APBB2: variants seen among roughly 807,000 people sequenced by gnomAD.
The protein encoded by APBB2 is amyloid beta precursor protein binding family B member 2, also known as Fe65-like 1.
APBB2 carries 38 observed loss-of-function variants against 82.5 expected under a neutral mutation model. The observed-to-expected ratio is 0.46, with a 90% confidence interval of 0.36 to 0.60. The LOEUF (loss-of-function observed/expected upper bound fraction) is 0.60, where lower values mean the gene tolerates loss of function less well. Ranked by LOEUF, APBB2 falls within the 20% of genes least tolerant of loss-of-function variation. The pLI, the probability that APBB2 is intolerant of heterozygous loss-of-function variation, is 0.00. For synonymous variants in APBB2, 341 were observed against 368.2 expected (o/e 0.93, Z 0.85); for missense variants, 772 against 972.3 (o/e 0.79, Z 2.74).
intron 6 of APBB2, among the ~76,000 whole-genome samples, chr4:40,959,953 T>C (rs1457002236): frequency 6.6e-6 from 1 of 152,180 alleles, no homozygotes; most frequent in African/African-American, 2.4e-5. Flanking sequence ...TTGATCGAGG[T>C]TAGGAAAATG....
intron 6 of APBB2, among the ~76,000 whole-genome samples, chr4:40,982,368 AAGGAAGGAAGGAAGGAAGG>A (rs1356937473): frequency 0.02 from 323 of 16,062 alleles, 62 homozygotes; most frequent in Admixed American, 0.049. Context: ...GGAAGGAAGG[AAGGAAGGAAGGAAGGAAGG>A]AAGGAAAGGA....
At chr4:41,180,313 G>C (rs1217530974) in intron 1 of APBB2, among the ~76,000 whole-genome samples, 1 of 152,164 alleles carries the variant, frequency 6.6e-6, no homozygotes, top group Admixed American at 6.5e-5. Flanking sequence ...GGGTCCTTAA[G>C]AGTAAACTTG....
At chr4:41,026,787 C>A (rs908554580) in intron 5 of APBB2, among the ~76,000 whole-genome samples, 1 of 152,166 alleles carries the variant, frequency 6.6e-6, no homozygotes, top group African/African-American at 2.4e-5. Flanking sequence ...CACTCATATA[C>A]AAGTTTTTCT....
rs7675855 is a variant in APBB2 at position 40,816,695 on chromosome 4, G to A, written c.2113-436C>T. On this transcript the variant is annotated intron_variant, in intron 17 of 17. Coordinates refer to ENST00000508593, the MANE Select transcript of APBB2 (RefSeq NM_004307.2). ...GGTCTATCACTTGTGAACCCCAGAC[G>A]AATTATTAAATCTCTCTGAGCCTCA... Among the ~76,000 whole-genome samples the A allele has an allele frequency of 5.1e-3, 783 of 152,304 alleles. 8 individuals carry two copies. The highest frequency in any genetic ancestry group is 0.018 in the African/African-American group (737 of 41,554).
At chr4:40,914,735 G>T (rs1160874780) in intron 10 of APBB2, among the ~76,000 whole-genome samples, 1 of 152,158 alleles carries the variant, frequency 6.6e-6, no homozygotes, top group East Asian at 1.9e-4. Flanking sequence ...CAGTGTTGCT[G>T]GTGACTTTAT....
At chr4:40,838,632 C>A (rs1754826389) in intron 12 of APBB2, among the ~76,000 whole-genome samples, 1 of 151,660 alleles carries the variant, frequency 6.6e-6, no homozygotes, top group Non-Finnish European at 1.5e-5. Flanking sequence ...ACGCGCCTTG[C>A]CAATTTTTGT....
chr4:41,061,522 G>A (rs1256188470), intron 4 of APBB2, among the ~76,000 whole-genome samples: 1 of 152,188 alleles, frequency 6.6e-6, no homozygotes, highest in Non-Finnish European at 1.5e-5. Context: ...AAGTATTTGG[G>A]CACCTAAACA....
intron 12 of APBB2, among the ~76,000 whole-genome samples, chr4:40,889,970 C>G (rs573766495): frequency 6.6e-6 from 1 of 152,242 alleles, no homozygotes; most frequent in Admixed American, 6.5e-5. Context: ...ATGAAGAGAA[C>G]AGCAGCAGGA....
chr4:41,141,985 C>T (rs1759356935), intron 2 of APBB2, among the ~76,000 whole-genome samples: 1 of 152,192 alleles, frequency 6.6e-6, no homozygotes, highest in African/African-American at 2.4e-5. Context: ...GCTTATGTTA[C>T]ATGCCCATAA....
chr4:41,212,034 C>T (rs189406596), intron 1 of APBB2, among the ~76,000 whole-genome samples: 1 of 152,214 alleles, frequency 6.6e-6, no homozygotes, highest in Non-Finnish European at 1.5e-5. Flanking sequence ...ATTTAGATAT[C>T]CAGTACTCAG....
intron 1 of APBB2, among the ~76,000 whole-genome samples, chr4:41,188,804 C>T (rs1773644997): frequency 6.6e-6 from 1 of 152,054 alleles, no homozygotes; most frequent in Non-Finnish European, 1.5e-5. Flanking sequence ...GTCTGGGCTA[C>T]TAGGGAGGCT....
chr4:40,912,118 G>A (rs1355051354), intron 10 of APBB2, among the ~76,000 whole-genome samples: 3 of 152,192 alleles, frequency 2.0e-5, no homozygotes, highest in Admixed American at 6.5e-5. Context: ...TATTTAATAG[G>A]AAATAGAGAT....
chr4:40,939,110 G>A (rs950638720), intron 7 of APBB2, among the ~76,000 whole-genome samples: 8 of 152,140 alleles, frequency 5.3e-5, no homozygotes, highest in African/African-American at 1.9e-4. Flanking sequence ...GCAGTCTCTC[G>A]GCCTTGGACT....
chr4:41,098,521 C>T (rs1269678824), intron 3 of APBB2, among the ~76,000 whole-genome samples: 1 of 152,150 alleles, frequency 6.6e-6, no homozygotes, highest in Non-Finnish European at 1.5e-5. Context: ...CTTTTTGTCA[C>T]AGTCCCTGTA....
chr4:40,944,092 G>C (rs987298108), intron 7 of APBB2, among the ~76,000 whole-genome samples: 4 of 152,222 alleles, frequency 2.6e-5, no homozygotes, highest in African/African-American at 9.6e-5. Flanking sequence ...CTTGTTCAAA[G>C]AACCAAGGAC....
intron 10 of APBB2, among the ~76,000 whole-genome samples, chr4:40,913,957 T>C (rs564556470): frequency 2.0e-5 from 3 of 152,196 alleles, no homozygotes; most frequent in Admixed American, 6.5e-5. Context: ...ATAAGGGGGC[T>C]GGGTGTGGTG....
intron 11 of APBB2, among the ~76,000 whole-genome samples, chr4:40,892,098 G>A (rs1237107490): frequency 2.0e-5 from 3 of 151,854 alleles, no homozygotes; most frequent in Admixed American, 6.6e-5. Context: ...CTACAGGTGC[G>A]TGCCATCATA....
At position 40,821,848 on chromosome 4, in the gene APBB2, C is replaced by T. The variant is rs201006057; in HGVS notation, c.2112+23G>A. 2,297 of 1,608,002 alleles carry T rather than the reference C, an allele frequency of 1.4e-3. 31 individuals are homozygous for T. Among genetic ancestry groups the T allele is most frequent in the Non-Finnish European group, 5.0e-4 (587 of 1,177,354 alleles). On this transcript the variant is annotated intron_variant, in intron 17 of 17. Coordinates refer to ENST00000508593, the MANE Select transcript of APBB2 (RefSeq NM_004307.2). ...GATGAGCAGAGGCGGGAGGGCTCAA[C>T]AGCCTGTACCGGGATAACTCACCAT...
At chr4:41,074,896 C>T (rs1216696485) in intron 3 of APBB2, among the ~76,000 whole-genome samples, 1 of 152,118 alleles carries the variant, frequency 6.6e-6, no homozygotes, top group African/African-American at 2.4e-5. Context: ...TGCCTGTAAT[C>T]CCAGCACTTT....
Sources: gnomAD v4.1 joint callset for allele counts (sites outside exome capture counted in the v4.1 genomes callset) on GRCh38, gnomAD v4.1.1 for gene constraint, MANE v1.5 for transcripts, NCBI Gene and HGNC (gene_info 2026-07-23, HGNC 2026-07-21) for gene names.